SMAD6: variants seen among roughly 807,000 people sequenced by gnomAD.
SMAD6 encodes the protein SMAD family member 6.
In SMAD6, 103 loss-of-function variants were observed where a neutral mutation model predicts 39.4. The ratio of observed to expected loss-of-function variants is 2.62; its 90% CI spans 2.23 to 3.08. The LOEUF (loss-of-function observed/expected upper bound fraction) is 3.08. SMAD6 is among the 30% of genes most tolerant of loss of function. The pLI, the probability that SMAD6 is intolerant of heterozygous loss-of-function variation, is 0.00. For missense variants in SMAD6, 1,104 were observed against 742.9 expected (o/e 1.49, Z -5.65); for synonymous variants, 445 against 353.3 (o/e 1.26, Z -2.91).
Position 66,703,274 on chromosome 15 carries a change from C to G in SMAD6, c.16C>G (p.Arg6Gly), listed in dbSNP as rs762143900. MFRSK[R>G]SGLVRRLWRS... is the part of the protein sequence containing the mutation. ...AGGATATCGTATGTTCAGGTCCAAA[C>G]GCTCGGGGCTGGTGCGGCGACTTTG... The change falls in exon 1 of 4, where the codon CGC (arginine) becomes GGC (glycine). Residue 6 changes from arginine to glycine, a missense_variant. By Grantham distance (125) the Arg-to-Gly change is moderately radical (BLOSUM62 -2). Transcript: ENST00000288840. The G allele has an allele frequency of 1.3e-6, 2 of 1,481,810 alleles. No homozygotes were observed. The highest frequency in any genetic ancestry group is 1.3e-5 in the South Asian group (1 of 76,902). 91.8% of individuals were successfully genotyped at this position (1,481,810 alleles called of 1,614,324 possible).
At chr15:66,779,147 A>G (rs1894516341) in intron 3 of SMAD6, among the ~76,000 whole-genome samples, 1 of 152,098 alleles carries the variant, frequency 6.6e-6, no homozygotes, top group African/African-American at 2.4e-5. Flanking sequence ...GCTGGAGCTC[A>G]GAGTCTGGCT....
chr15:66,716,585 A>T, intron 3 of SMAD6, 87 bp downstream of exon 3: 5 of 950,260 alleles, frequency 5.3e-6, no homozygotes, highest in Non-Finnish European at 6.9e-6. Flanking sequence ...AGACTTTTTG[A>T]CTTCCCCTCT....
intron 2 of SMAD6, among the ~76,000 whole-genome samples, chr15:66,714,352 G>C (rs1893286735): frequency 6.6e-6 from 1 of 152,008 alleles, no homozygotes; most frequent in Non-Finnish European, 1.5e-5. Context: ...TATATGGTTT[G>C]CAAGCTACGA....
Position 66,747,433 on chromosome 15 carries a change from C to G in SMAD6, c.952+30935C>G, listed in dbSNP as rs1371462060. Among the ~76,000 whole-genome samples the G allele has an allele frequency of 6.6e-6, 1 of 152,264 alleles. No individual in the cohort carries two copies. The highest frequency in any genetic ancestry group is 2.1e-4 in the South Asian group (1 of 4,834). The stretch of plus-strand genomic sequence containing the variant: ...CGTGGGGAACTAAGCCTGCTCCTCC[C>G]GGCTGGTCTTTGTGGGCCCTGGCCC... On this transcript the variant is annotated intron_variant, in intron 3 of 3. Transcript: ENST00000288840. The surrounding 1 kb of genome is among the most constrained non-coding windows in gnomAD (Gnocchi z 4.5).
Position 66,751,851 on chromosome 15 carries a change from G to A in SMAD6, c.953-29146G>A, listed in dbSNP as rs190340185. 8.6e-3 allele frequency among the ~76,000 whole-genome samples: 1,316 copies of A among 152,202 alleles called. 10 individuals carry two copies. Among genetic ancestry groups the A allele is most frequent in the Non-Finnish European group, 0.011 (770 of 67,934 alleles). ...CAAACCTTTGTTTTGTTGAGAAGAG[G>A]AAACAGTCTCAGAGACACCAGTGAC... On this transcript the variant is annotated intron_variant, in intron 3 of 3. Coordinates refer to ENST00000288840, the MANE Select transcript of SMAD6 (RefSeq NM_005585.5).
At chr15:66,752,257 C>T (rs1162833080) in intron 3 of SMAD6, among the ~76,000 whole-genome samples, 2 of 152,062 alleles carry the variant, frequency 1.3e-5, no homozygotes, top group East Asian at 3.9e-4. Context: ...CTGTGGGGGG[C>T]CCTCCCCACT....
Position 66,703,164 on chromosome 15 carries a change from GGCTGCGACCCGCGCAGCCGGCGCCTC to G in SMAD6, c.-90_-65del. The G allele has an allele frequency of 1.1e-6, 1 of 948,842 alleles. No individual in the cohort carries two copies. The highest frequency in any genetic ancestry group is 1.4e-6 in the Non-Finnish European group (1 of 697,474). 58.8% of individuals were successfully genotyped at this position (948,842 alleles called of 1,614,324 possible). On this transcript the variant is annotated 5_prime_UTR_variant, in exon 1 of 4. It removes the in-frame stop codon of an upstream open reading frame in the 5' UTR. Coordinates refer to ENST00000288840, the MANE Select transcript of SMAD6 (RefSeq NM_005585.5). ...CGCTCCGCGGCGGAGCTTCATGTGGGGCTGCGACCCGCGCAGCCGGCGCCTCGCTGAGGGAACGGACCCCCGGTAAC... is the reference window on the plus strand; with the variant it reads ...CGCTCCGCGGCGGAGCTTCATGTGGGGCTGAGGGAACGGACCCCCGGTAAC...
intron 3 of SMAD6, among the ~76,000 whole-genome samples, chr15:66,743,310 G>A (rs890566784): frequency 2.0e-5 from 3 of 152,242 alleles, no homozygotes; most frequent in African/African-American, 7.2e-5. Flanking sequence ...AGGCTGACTC[G>A]GACTGCATTC....
At chr15:66,762,623 C>G (rs4357883) in intron 3 of SMAD6, among the ~76,000 whole-genome samples, 1 of 151,940 alleles carries the variant, frequency 6.6e-6, no homozygotes, top group Non-Finnish European at 1.5e-5. Context: ...TGGGTCTTCA[C>G]AAATAAGTGA....
chr15:66,753,271 G>T (rs76858075), intron 3 of SMAD6, among the ~76,000 whole-genome samples: 1,539 of 152,274 alleles, frequency 0.01, 13 homozygotes, highest in Middle Eastern at 0.044. Context: ...CTGTAAGAGG[G>T]TGTGCCCAGG....
At chr15:66,738,091 T>C (rs1893745818) in intron 3 of SMAD6, among the ~76,000 whole-genome samples, 1 of 152,242 alleles carries the variant, frequency 6.6e-6, no homozygotes, top group Admixed American at 6.5e-5. Context: ...CACAGAACTC[T>C]TTGAATCTTG....
intron 3 of SMAD6, among the ~76,000 whole-genome samples, chr15:66,756,392 A>G (rs1048650282): frequency 2.0e-5 from 3 of 152,220 alleles, no homozygotes; most frequent in South Asian, 2.1e-4. Context: ...CCAACTTGCA[A>G]TTTACTTAAT....
At chr15:66,767,141 T>G (rs1024230789) in intron 3 of SMAD6, among the ~76,000 whole-genome samples, 2 of 152,220 alleles carry the variant, frequency 1.3e-5, no homozygotes, top group African/African-American at 4.8e-5. Context: ...GTCATTAACC[T>G]TGTGGGCCAT....
At chr15:66,712,200 A>G (rs2469150) in intron 2 of SMAD6, among the ~76,000 whole-genome samples, 6,395 of 152,274 alleles carry the variant, frequency 0.042, 235 homozygotes, top group African/African-American at 0.093. Flanking sequence ...TGTTCACTTG[A>G]GCAGAAACAA....
At chr15:66,743,587 T>A (rs201703293) in intron 3 of SMAD6, among the ~76,000 whole-genome samples, 104 of 144,384 alleles carry the variant, frequency 7.2e-4, no homozygotes, top group African/African-American at 1.9e-3. Flanking sequence ...TTTTTTTTTT[T>A]AAAAAGCAGT....
intron 2 of SMAD6, 75 bp downstream of exon 2, chr15:66,711,799 G>T: frequency 2.4e-6 from 3 of 1,269,920 alleles, no homozygotes; most frequent in Non-Finnish European, 3.5e-6. Flanking sequence ...TGTCTGTCCA[G>T]CCTCAGGGCT....
intron 3 of SMAD6, among the ~76,000 whole-genome samples, chr15:66,773,731 T>C (rs1894418148): frequency 1.3e-5 from 2 of 152,154 alleles, no homozygotes; most frequent in African/African-American, 2.4e-5. Flanking sequence ...TGCAGCCCTG[T>C]GCAAAGGGGA....
chr15:66,737,681 C>A (rs1269264698), intron 3 of SMAD6, among the ~76,000 whole-genome samples: 3 of 149,974 alleles, frequency 2.0e-5, no homozygotes, highest in African/African-American at 7.4e-5. Context: ...CAAAGGTAAA[C>A]AGGTTTATAA....
chr15:66,717,524 G>T (rs1310947518), intron 3 of SMAD6: 1 of 441,902 alleles, frequency 2.3e-6, no homozygotes. Context: ...TTCAATAAAT[G>T]TATTTCCCCT....
Sources: gnomAD v4.1 joint callset for allele counts (sites outside exome capture counted in the v4.1 genomes callset) on GRCh38, gnomAD v4.1.1 for gene constraint, Gnocchi (gnomAD v3.1) non-coding constraint, MANE v1.5 for transcripts, NCBI Gene and HGNC (gene_info 2026-07-23, HGNC 2026-07-21) for gene names.